The following TRPC6 variants were observed in gnomAD, a reference collection of about 807,000 sequenced individuals.
TRPC6 encodes short transient receptor potential channel 6.
TRPC6 carries 55 observed loss-of-function variants against 90.7 expected under a neutral mutation model. The observed-to-expected ratio is 0.61, with a 90% CI of 0.49 to 0.76. TRPC6 has a LOEUF of 0.76. Ranked by LOEUF, TRPC6 falls within the 30% of genes least tolerant of loss-of-function variation. TRPC6 has a pLI of 0.00. For missense variants in TRPC6, 989 were observed against 1,122.7 expected (o/e 0.88, Z 1.70); for synonymous variants, 393 against 393.0 (o/e 1.00, Z 0.00).
Position 101,534,444 on chromosome 11 carries a change from C to A in TRPC6, c.171-29646G>T, listed in dbSNP as rs140968422. Among the ~76,000 whole-genome samples the A allele has an allele frequency of 3.4e-3, 514 of 152,198 alleles. 2 individuals carry two copies. The highest frequency in any genetic ancestry group is 0.012 in the African/African-American group (488 of 41,532). ...AGCCACTGCGACTGGTACCCCTTCACTTCTTATACAATCTGTACTACTACT... is the reference window on the plus strand; with the variant it reads ...AGCCACTGCGACTGGTACCCCTTCAATTCTTATACAATCTGTACTACTACT... On this transcript the variant is annotated intron_variant, in intron 1 of 12. Transcript: ENST00000344327.
Position 101,491,598 on chromosome 11 carries a change from AT to A in TRPC6, c.1085del (p.Asn362IlefsTer5). The A allele has an allele frequency of 1.2e-6, 2 of 1,613,928 alleles. No homozygotes were observed. The highest frequency in any genetic ancestry group is 1.7e-6 in the Non-Finnish European group (2 of 1,179,962). On this transcript the variant is annotated frameshift_variant, in exon 3 of 13. Transcript: ENST00000344327. LOFTEE classifies it high-confidence loss of function. ...TAATGGCAAGTTTTAAACGGCTGAG[AT>A]TTGGGCGACCGTGATCACCACTCTG... is the stretch of plus-strand genomic sequence containing the variant. ...TLQSGDHGRPNLSRLKLAIKY... is the reference protein window; with the variant it reads ...TLQSGDHGRPXLSRLKLAIKY...
rs183036915 is a variant in TRPC6 at position 101,524,442 on chromosome 11, G to A, written c.171-19644C>T. Among the ~76,000 whole-genome samples the A allele has an allele frequency of 5.9e-5, 9 of 152,206 alleles. No individual in the cohort carries two copies. The East Asian group carries it at 1.7e-3, about 29-fold the overall frequency. On this transcript the variant is annotated intron_variant, in intron 1 of 12. Transcript: ENST00000344327. ...TTTTTGGTATTTTTAGTAGAGACGGGGTTTCACCATGTTAGCCAGGATGGT... is the reference window on the plus strand; with the variant it reads ...TTTTTGGTATTTTTAGTAGAGACGGAGTTTCACCATGTTAGCCAGGATGGT...
At chr11:101,462,148 C>T (rs1425175242) in intron 10 of TRPC6, among the ~76,000 whole-genome samples, 1 of 151,986 alleles carries the variant, frequency 6.6e-6, no homozygotes, top group Non-Finnish European at 1.5e-5. Context: ...ATTTCTGAGG[C>T]CTCTGTTCTG....
chr11:101,460,911 C>CT (rs1409763726), intron 10 of TRPC6, among the ~76,000 whole-genome samples: 1 of 152,152 alleles, frequency 6.6e-6, no homozygotes. Flanking sequence ...TTCATAACCT[C>CT]TTATCCGTAA....
At chr11:101,453,139 TAA>T (rs1858802486) in intron 12 of TRPC6, 33 bp from the exon 13 acceptor site, 1 of 1,607,392 alleles carries the variant, frequency 6.2e-7, no homozygotes, top group African/African-American at 1.3e-5. Flanking sequence ...AAGTCAACTA[TAA>T]ATACGCAATG....
intron 1 of TRPC6, among the ~76,000 whole-genome samples, chr11:101,538,750 G>A (rs893313966): frequency 6.6e-6 from 1 of 152,184 alleles, no homozygotes; most frequent in Non-Finnish European, 1.5e-5. Flanking sequence ...GGACCCACGT[G>A]AGAAGGCCAC....
At position 101,564,070 on chromosome 11, in the gene TRPC6, GAA is replaced by G. The variant is rs909473826; in HGVS notation, c.170+19262_170+19263del. On this transcript the variant is annotated intron_variant, in intron 1 of 12. Transcript: ENST00000344327. Reference sequence around the variant, plus strand: ...CCAATGTGAGACATCAGTTCGTAAAGAAAAAAAAAAAAAGACTGACATCTTTA... The same window carrying G: ...CCAATGTGAGACATCAGTTCGTAAAGAAAAAAAAAAAGACTGACATCTTTA... 4.0e-5 allele frequency among the ~76,000 whole-genome samples: 5 copies of G among 126,466 alleles called. 1 individual carries two copies. The highest frequency in any genetic ancestry group is 1.2e-4 in the African/African-American group (4 of 34,264). The allele number at this position is 126,466 out of a possible 152,430, so 83.0% of individuals were successfully genotyped here.
intron 1 of TRPC6, among the ~76,000 whole-genome samples, chr11:101,526,861 C>CA (rs573864895): frequency 0.047 from 1,692 of 36,068 alleles, 434 homozygotes; most frequent in African/African-American, 0.058. Flanking sequence ...GAGACTGTCT[C>CA]AAAAAAAAAA....
intron 9 of TRPC6, among the ~76,000 whole-genome samples, chr11:101,470,474 G>A (rs1237419693): frequency 6.6e-6 from 1 of 152,010 alleles, no homozygotes; most frequent in East Asian, 1.9e-4. Context: ...GTATCTCAGT[G>A]CTCCTTCTGA....
chr11:101,578,995 T>G (rs2136901853), intron 1 of TRPC6, among the ~76,000 whole-genome samples: 1 of 152,250 alleles, frequency 6.6e-6, no homozygotes, highest in Admixed American at 6.5e-5. Context: ...TTTACAATAA[T>G]ATTGGTATAC....
At chr11:101,490,166 A>G (rs1859772150) in intron 3 of TRPC6, among the ~76,000 whole-genome samples, 1 of 152,252 alleles carries the variant, frequency 6.6e-6, no homozygotes. Flanking sequence ...TAAAAATCTA[A>G]TAACAAAAAT....
chr11:101,581,907 T>C (rs1377563505), intron 1 of TRPC6, among the ~76,000 whole-genome samples: 1 of 152,158 alleles, frequency 6.6e-6, no homozygotes, highest in African/African-American at 2.4e-5. Flanking sequence ...GCCATTAAAG[T>C]TGGAAAAGTC....
intron 1 of TRPC6, among the ~76,000 whole-genome samples, chr11:101,556,474 A>G (rs1861562594): frequency 6.6e-6 from 1 of 152,186 alleles, no homozygotes; most frequent in Admixed American, 6.5e-5. Context: ...ATAAATTCCT[A>G]GATACATAGA....
intron 7 of TRPC6, 91 bp from the exon 8 acceptor site, chr11:101,472,423 G>T (rs1859313823): frequency 1.4e-5 from 18 of 1,241,466 alleles, no homozygotes; most frequent in Non-Finnish European, 2.0e-5. Flanking sequence ...TTTAGTGTCT[G>T]CAAATTAGTG....
At chr11:101,549,298 G>T (rs1417505242) in intron 1 of TRPC6, among the ~76,000 whole-genome samples, 2 of 151,888 alleles carry the variant, frequency 1.3e-5, no homozygotes, top group Admixed American at 6.6e-5. Context: ...TTAAAAAATA[G>T]TTATTGAAAC....
At chr11:101,484,284 C>A (rs971366131) in intron 4 of TRPC6, among the ~76,000 whole-genome samples, 1 of 152,168 alleles carries the variant, frequency 6.6e-6, no homozygotes, top group Non-Finnish European at 1.5e-5. Context: ...AGAGCTGGAA[C>A]TTGAACCCAG....
intron 2 of TRPC6, among the ~76,000 whole-genome samples, chr11:101,499,385 T>C (rs1206133804): frequency 6.6e-6 from 1 of 151,986 alleles, no homozygotes; most frequent in African/African-American, 2.4e-5. Flanking sequence ...TTCTTTCTGA[T>C]TTAGAATTTT....
Position 101,482,950 on chromosome 11 carries a change from T to C in TRPC6, c.1509A>G (p.Ile503Met). The C allele has an allele frequency of 6.2e-7, 1 of 1,613,966 alleles. No individual in the cohort carries two copies. The highest frequency in any genetic ancestry group is 8.5e-7 in the Non-Finnish European group (1 of 1,179,846). ...ACATGACAGAAAATCAGTCTTTACC[T>C]ATTACCCAGGATATAATGAGCATCT... ...WMEMLIISWV[I>M]GMIWAECKEI... Residue 503 changes from isoleucine (I) to methionine (M), a missense_variant and splice_region_variant, in exon 5 of 13, where the codon ATA becomes ATG. Physicochemically the swap from Ile to Met is conservative, Grantham distance 10. Around this residue, in one of 4 missense-constraint regions of TRPC6, gnomAD observed 486 missense variants for 591.9 expected, o/e 0.82. Transcript: ENST00000344327.
intron 10 of TRPC6, among the ~76,000 whole-genome samples, chr11:101,463,602 G>A (rs530559223): frequency 3.6e-4 from 55 of 152,286 alleles, no homozygotes; most frequent in African/African-American, 1.2e-3. Flanking sequence ...GTGTAGAGGT[G>A]TTTATAGTAT....
Sources: allele counts gnomAD v4.1 joint callset (sites outside exome capture counted in the v4.1 genomes callset), GRCh38; gene constraint gnomAD v4.1.1; regional missense constraint gnomAD v4.1.1; transcripts MANE v1.5; gene names NCBI Gene and HGNC (gene_info 2026-07-23, HGNC 2026-07-21).